FMN2: variants seen among roughly 807,000 people sequenced by gnomAD.
FMN2 encodes formin-2.
A neutral mutation model predicts 142.3 loss-of-function variants in FMN2; 51 were observed. The ratio of observed to expected loss-of-function variants is 0.36; its 90% CI spans 0.29 to 0.45. The LOEUF (loss-of-function observed/expected upper bound fraction) is 0.45. Among genes scored for constraint, FMN2 ranks in the 20% least tolerant of loss-of-function variants. The probability of loss-of-function intolerance (pLI) is 1.00; values close to 1 mark genes in which losing one functional copy is unlikely to be tolerated. For missense variants in FMN2, 1,936 were observed against 2,122.8 expected, an observed-to-expected ratio of 0.91 and a Z score of 1.73; for synonymous variants, 882 against 869.8, an observed-to-expected ratio of 1.01 and a Z score of -0.25.
At chr1:240,311,933 C>T (rs1249090088) in intron 8 of FMN2, among the ~76,000 whole-genome samples, 2 of 152,154 alleles carry the variant, frequency 1.3e-5, no homozygotes, top group African/African-American at 4.8e-5. Flanking sequence ...TCAAGTGATC[C>T]TCTTGCCTCA....
chr1:240,193,141 A>G (rs1665774723), intron 4 of FMN2, among the ~76,000 whole-genome samples: 1 of 152,174 alleles, frequency 6.6e-6, no homozygotes, highest in Admixed American at 6.5e-5. Flanking sequence ...GCACTATGCA[A>G]CATTATTAAT....
intron 6 of FMN2, among the ~76,000 whole-genome samples, chr1:240,236,161 C>A (rs530445669): frequency 6.6e-6 from 1 of 152,002 alleles, no homozygotes; most frequent in South Asian, 2.1e-4. Flanking sequence ...ATCATTATGG[C>A]GTTTTTTGCA....
In FMN2 at chr1:240,473,151, G is replaced by T. The variant is rs1676865794; in HGVS notation, c.5142+698G>T. ...CACTGGGATGTAAAGTTGGTGGGAA[G>T]CGCCAAGAGCAGTGTGACGCTTTGC... On this transcript the variant is annotated intron_variant, in intron 17 of 17. Coordinates refer to ENST00000319653, the MANE Select transcript of FMN2 (RefSeq NM_020066.5). This position sits in a 1 kb window ranked among gnomAD's most constrained non-coding sequence, Gnocchi z 4.3. Among the ~76,000 whole-genome samples, 1 of 152,106 alleles carries T rather than the reference G, an allele frequency of 6.6e-6. No individual in the cohort carries two copies. The highest frequency in any genetic ancestry group is 6.6e-5 in the Admixed American group (1 of 15,260).
chr1:240,412,341 A>G (rs1427427603), intron 15 of FMN2, among the ~76,000 whole-genome samples: 2 of 152,224 alleles, frequency 1.3e-5, no homozygotes, highest in African/African-American at 2.4e-5. Flanking sequence ...ATTGCAACGG[A>G]CTGAAGAAAA....
At chr1:240,343,954 A>G (rs1023380301) in intron 13 of FMN2, among the ~76,000 whole-genome samples, 1 of 152,184 alleles carries the variant, frequency 6.6e-6, no homozygotes, top group Non-Finnish European at 1.5e-5. Context: ...AAATGTCCCA[A>G]TGCCCCAGCA....
chr1:240,369,050 C>T (rs765624677), intron 14 of FMN2, among the ~76,000 whole-genome samples: 27 of 151,924 alleles, frequency 1.8e-4, no homozygotes, highest in African/African-American at 4.4e-4. Context: ...TGCACGCGCA[C>T]GCACCCTGTG....
At chr1:240,201,773 A>G (rs554387555) in intron 4 of FMN2, among the ~76,000 whole-genome samples, 30 of 152,262 alleles carry the variant, frequency 2.0e-4, no homozygotes, top group African/African-American at 7.0e-4. Context: ...AAGTATTGGT[A>G]CCTGGGTATA....
chr1:240,353,406 G>A (rs914584780), intron 13 of FMN2, among the ~76,000 whole-genome samples: 2 of 152,088 alleles, frequency 1.3e-5, no homozygotes, highest in African/African-American at 4.8e-5. Context: ...GGGTGACCTG[G>A]AATTTAAACC....
At chr1:240,414,564 A>G (rs900113068) in intron 15 of FMN2, among the ~76,000 whole-genome samples, 14 of 152,348 alleles carry the variant, frequency 9.2e-5, no homozygotes, top group Admixed American at 3.3e-4. Flanking sequence ...GTTCTGCCAA[A>G]TAATAATTTG....
rs201853234 is a variant in FMN2, at chr1:240,188,295, A to G, written c.1986+33A>G. ...GATCTTATTAGGATGTCAGATTCCCATCTGTCTTATTTGTCTTAAGATTGT... is the reference window on the plus strand; with the variant it reads ...GATCTTATTAGGATGTCAGATTCCCGTCTGTCTTATTTGTCTTAAGATTGT... On this transcript the variant is annotated intron_variant, in intron 4 of 17. Coordinates refer to ENST00000319653, the MANE Select transcript of FMN2 (RefSeq NM_020066.5). 1.1e-5 allele frequency: 18 copies of G among 1,603,158 alleles called. No homozygotes were observed. The East Asian group carries it at 4.0e-4, about 36-fold the overall frequency.
At chr1:240,277,525 CTTTTT>C (rs34678861) in intron 7 of FMN2, among the ~76,000 whole-genome samples, 1,186 of 66,140 alleles carry the variant, frequency 0.018, 12 homozygotes, top group African/African-American at 0.07. Flanking sequence ...GCATCTTCTT[CTTTTT>C]TTTTTTTTTT....
chr1:240,098,566 G>A (rs904377742), intron 1 of FMN2, among the ~76,000 whole-genome samples: 3 of 152,106 alleles, frequency 2.0e-5, no homozygotes, highest in Non-Finnish European at 2.9e-5. Context: ...TGCCTGATAC[G>A]TATAAAATGT....
At chr1:240,245,703 T>A (rs1237057679) in intron 6 of FMN2, 1 of 440,006 alleles carries the variant, frequency 2.3e-6, no homozygotes, top group Non-Finnish European at 4.6e-6. Context: ...AAAAGTTAAT[T>A]TTATCTTTCT....
chr1:240,165,296 C>T (rs1664433876), intron 2 of FMN2, among the ~76,000 whole-genome samples: 1 of 152,166 alleles, frequency 6.6e-6, no homozygotes, highest in Non-Finnish European at 1.5e-5. Context: ...TAGCCTCAGC[C>T]TCCCAAGTAG....
At chr1:240,370,649 T>C (rs1672830721) in intron 14 of FMN2, among the ~76,000 whole-genome samples, 1 of 152,128 alleles carries the variant, frequency 6.6e-6, no homozygotes, top group Admixed American at 6.5e-5. Flanking sequence ...CCTGTGGCTT[T>C]GCTCACATGT....
At chr1:240,224,055 G>T (rs1667214452) in intron 6 of FMN2, among the ~76,000 whole-genome samples, 1 of 151,978 alleles carries the variant, frequency 6.6e-6, no homozygotes, top group Non-Finnish European at 1.5e-5. Context: ...TGCTTCTCTA[G>T]TTCTTTTAAT....
intron 13 of FMN2, among the ~76,000 whole-genome samples, chr1:240,340,303 G>A (rs1032347171): frequency 1.2e-4 from 18 of 152,068 alleles, no homozygotes; most frequent in African/African-American, 3.6e-4. Flanking sequence ...AGTCCGGGCC[G>A]GGTGCAGTGG....
rs1670658918 is a variant in FMN2, at chr1:240,313,367, A to C, written c.4216-15709A>C. 3.9e-5 allele frequency among the ~76,000 whole-genome samples: 6 copies of C among 152,364 alleles called. 1 individual carries two copies. In the South Asian group the frequency reaches 1.2e-3, roughly 32 times the overall value. On this transcript the variant is annotated intron_variant, in intron 8 of 17. Transcript: ENST00000319653. ...CATAACTTAAGTCACCTAATGTCTG[A>C]CACTTAATATAAAGTAGTGCAGTAA...
rs532918678 is a variant in FMN2, at chr1:240,457,097, A to C, written c.5061-15275A>C. On this transcript the variant is annotated intron_variant, in intron 16 of 17. Coordinates refer to ENST00000319653, the MANE Select transcript of FMN2 (RefSeq NM_020066.5). The stretch of plus-strand genomic sequence containing the variant: ...CCAGCACTGGTACTATGATTTATAC[A>C]ACAGATTACACCTCTCAACTTACCA... 2.6e-4 allele frequency among the ~76,000 whole-genome samples: 40 copies of C among 152,184 alleles called. No homozygotes were observed. In the South Asian group the frequency reaches 8.3e-3, roughly 32 times the overall value.
Sources: allele counts gnomAD v4.1 joint callset (sites outside exome capture counted in the v4.1 genomes callset), GRCh38; gene constraint gnomAD v4.1.1; non-coding constraint Gnocchi (gnomAD v3.1); transcripts MANE v1.5; gene names NCBI Gene and HGNC (gene_info 2026-07-23, HGNC 2026-07-21).